The following ZDHHC21 variants were observed in gnomAD, a reference collection of about 807,000 sequenced individuals.
ZDHHC21 encodes the protein palmitoyltransferase ZDHHC21.
In ZDHHC21, 15 loss-of-function variants were observed where a neutral mutation model predicts 34.6. The observed-to-expected ratio is 0.43, with a 90% CI of 0.29 to 0.67. The LOEUF (loss-of-function observed/expected upper bound fraction) is 0.67, where lower values mean the gene tolerates loss of function less well. Ranked by LOEUF, ZDHHC21 falls within the 30% of genes least tolerant of loss-of-function variation. The probability of loss-of-function intolerance (pLI) is 0.14; values close to 1 mark genes in which losing one functional copy is unlikely to be tolerated. For missense variants in ZDHHC21, 344 were observed against 327.7 expected (o/e 1.05, Z -0.38); for synonymous variants, 142 against 101.8 (o/e 1.40, Z -2.38).
the ZDHHC21 span, among the ~76,000 whole-genome samples, chr9:14,591,333 C>A: frequency 6.6e-6 from 1 of 151,900 alleles, no homozygotes; most frequent in African/African-American, 2.4e-5. Flanking sequence ...CAGATTAGTG[C>A]CTTATTAGAG....
chr9:14,634,573 C>A (rs965010527), intron 8 of ZDHHC21, among the ~76,000 whole-genome samples: 1 of 152,172 alleles, frequency 6.6e-6, no homozygotes, highest in East Asian at 1.9e-4. Context: ...CTGATGAAAT[C>A]ACAGATACCA....
At chr9:14,629,904 G>A (rs552700967) in intron 8 of ZDHHC21, among the ~76,000 whole-genome samples, 1 of 152,208 alleles carries the variant, frequency 6.6e-6, no homozygotes, top group East Asian at 1.9e-4. Context: ...AAAATTAGCT[G>A]GCGTGTTGGT....
In ZDHHC21 at chr9:14,670,444, C is replaced by A. The variant is rs1835244741; in HGVS notation, c.253+2386G>T. Among the ~76,000 whole-genome samples the A allele has an allele frequency of 2.0e-5, 3 of 151,990 alleles. No individual in the cohort carries two copies. The South Asian group carries it at 6.2e-4, about 32-fold the overall frequency. ...TTGTGACATGTAAAATCATAAAATTCAAATTTCTGGGTCCATAAACAAAGT... is the reference window on the plus strand; with the variant it reads ...TTGTGACATGTAAAATCATAAAATTAAAATTTCTGGGTCCATAAACAAAGT... On this transcript the variant is annotated intron_variant, in intron 5 of 9. Transcript: ENST00000380916.
At position 14,687,514 on chromosome 9, in the gene ZDHHC21, TACA is replaced by T. The variant is rs959111144; in HGVS notation, c.-176+2820_-176+2822del. ...GTTAAAACCCCGTCTCTACCAAAAA[TACA>T]ACAATTAGCCAGGCATAGTGGCGCC... On this transcript the variant is annotated intron_variant, in intron 2 of 9. Transcript: ENST00000380916. Among the ~76,000 whole-genome samples the T allele has an allele frequency of 1.8e-4, 27 of 150,600 alleles. 1 individual carries two copies. The highest frequency in any genetic ancestry group is 6.7e-4 in the African/African-American group (27 of 40,018).
the ZDHHC21 span, among the ~76,000 whole-genome samples, chr9:14,604,660 C>T: frequency 2.0e-5 from 3 of 152,068 alleles, no homozygotes; most frequent in South Asian, 6.2e-4. Flanking sequence ...ATTTAGTAAA[C>T]TCTCCAGTTA....
chr9:14,653,914 A>G (rs567325254), intron 7 of ZDHHC21, among the ~76,000 whole-genome samples: 1 of 152,148 alleles, frequency 6.6e-6, no homozygotes, highest in South Asian at 2.1e-4. Context: ...TAATAAATAC[A>G]CAGCTGTTTA....
intron 8 of ZDHHC21, among the ~76,000 whole-genome samples, chr9:14,638,732 G>C (rs1316746565): frequency 1.3e-5 from 2 of 151,418 alleles, no homozygotes; most frequent in East Asian, 1.9e-4. Flanking sequence ...TATCTCAAAA[G>C]AAGATATGCA....
chr9:14,595,044 T>C, the ZDHHC21 span, among the ~76,000 whole-genome samples: 1 of 152,184 alleles, frequency 6.6e-6, no homozygotes, highest in Non-Finnish European at 1.5e-5. Context: ...TGTGGAAAAC[T>C]GAAAAACTCA....
At chr9:14,679,592 CTAAGTT>C (rs1469194482) in intron 3 of ZDHHC21, among the ~76,000 whole-genome samples, 10 of 152,078 alleles carry the variant, frequency 6.6e-5, no homozygotes, top group Non-Finnish European at 1.2e-4. Context: ...ATGTGTTCTT[CTAAGTT>C]TATCAACAAC....
At chr9:14,632,437 A>C (rs941751863) in intron 8 of ZDHHC21, among the ~76,000 whole-genome samples, 2 of 152,096 alleles carry the variant, frequency 1.3e-5, no homozygotes, top group Non-Finnish European at 2.9e-5. Flanking sequence ...CACAATGTAC[A>C]AAAATTAGCT....
At chr9:14,682,921 C>G (rs954840027) in intron 2 of ZDHHC21, among the ~76,000 whole-genome samples, 28 of 152,178 alleles carry the variant, frequency 1.8e-4, no homozygotes, top group Non-Finnish European at 1.5e-4. Context: ...ACTGAACAAC[C>G]TGCTCCTGAG....
At chr9:14,630,388 T>C (rs1312534314) in intron 8 of ZDHHC21, among the ~76,000 whole-genome samples, 1 of 152,196 alleles carries the variant, frequency 6.6e-6, no homozygotes. Flanking sequence ...GGTCACATCT[T>C]CCACTTCTTA....
intron 5 of ZDHHC21, among the ~76,000 whole-genome samples, chr9:14,663,175 T>C (rs1833709293): frequency 1.3e-5 from 2 of 152,154 alleles, no homozygotes; most frequent in South Asian, 4.1e-4. Context: ...GAAAAGACAA[T>C]TGCCTTATTA....
At chr9:14,686,738 C>A (rs141004860) in intron 2 of ZDHHC21, among the ~76,000 whole-genome samples, 2,704 of 148,146 alleles carry the variant, frequency 0.018, 127 homozygotes, top group African/African-American at 0.069. Flanking sequence ...TTTGGGAGGC[C>A]GAGGTGGGAG....
chr9:14,609,057 T>C (rs1823112908), downstream of ZDHHC21, among the ~76,000 whole-genome samples: 1 of 150,654 alleles, frequency 6.6e-6, no homozygotes, highest in Non-Finnish European at 1.5e-5. Context: ...AAATGTATGT[T>C]CCTCTGCTCC....
At chr9:14,610,193 T>A (rs1823156423), downstream of ZDHHC21, among the ~76,000 whole-genome samples, 2 of 152,092 alleles carry the variant, frequency 1.3e-5, no homozygotes, top group South Asian at 4.1e-4. Flanking sequence ...TAAGCAAAAA[T>A]TCTTTGGGGC....
At chr9:14,601,325 A>G in the ZDHHC21 span, among the ~76,000 whole-genome samples, 2 of 152,226 alleles carry the variant, frequency 1.3e-5, no homozygotes, top group Non-Finnish European at 2.9e-5. Flanking sequence ...CCCCATCAAA[A>G]AGTGTGCAAA....
chr9:14,618,266 A>C lies in ZDHHC21; in HGVS notation c.*700T>G, dbSNP rs751800499. 1.3e-5 allele frequency: 2 copies of C among 152,550 alleles called. No individual in the cohort carries two copies. The highest frequency in any genetic ancestry group is 2.4e-5 in the African/African-American group (1 of 41,454). 9.4% of individuals were successfully genotyped at this position (152,550 alleles called of 1,614,324 possible). A position where few individuals can be genotyped will look rare whatever the true frequency, so the allele number is the denominator to read the frequency against. On this transcript the variant is annotated 3_prime_UTR_variant, in exon 10 of 10. Coordinates refer to ENST00000380916, the MANE Select transcript of ZDHHC21 (RefSeq NM_178566.6). ...AATAATTACAACAGTAATAGTGAAAATTGAAAAAATTATTGTGAAAAAAAT... is the reference window on the plus strand; with the variant it reads ...AATAATTACAACAGTAATAGTGAAACTTGAAAAAATTATTGTGAAAAAAAT...
At chr9:14,595,524 T>C in the ZDHHC21 span, among the ~76,000 whole-genome samples, 2 of 152,216 alleles carry the variant, frequency 1.3e-5, no homozygotes, top group Non-Finnish European at 2.9e-5. Context: ...GATGGAAATG[T>C]TCTAAAACTG....
Sources: gnomAD v4.1 joint callset for allele counts (sites outside exome capture counted in the v4.1 genomes callset) on GRCh38, gnomAD v4.1.1 for gene constraint, MANE v1.5 for transcripts, NCBI Gene and HGNC (gene_info 2026-07-23, HGNC 2026-07-21) for gene names.